GLIS3: variants seen among roughly 807,000 people sequenced by gnomAD.
GLIS3 encodes GLIS family zinc finger 3, also known as zinc finger protein GLIS3.
In GLIS3, 53 loss-of-function variants were observed where a neutral mutation model predicts 78.6. The observed-to-expected ratio is 0.67, with a 90% CI of 0.54 to 0.85. The LOEUF (loss-of-function observed/expected upper bound fraction) is 0.85, where lower values mean the gene tolerates loss of function less well. GLIS3 is among the 40% of genes least tolerant of loss of function. GLIS3 has a pLI of 0.00. For synonymous variants in GLIS3, 684 were observed against 509.9 expected, an observed-to-expected ratio of 1.34 and a Z score of -4.60; for missense variants, 1,703 against 1,231.1, an observed-to-expected ratio of 1.38 and a Z score of -5.74.
At chr9:3,836,172 AT>A (rs1175218603) in intron 9 of GLIS3, among the ~76,000 whole-genome samples, 1 of 152,216 alleles carries the variant, frequency 6.6e-6, no homozygotes, top group East Asian at 1.9e-4. Flanking sequence ...GGCAGAGCAG[AT>A]TTCCTGCCGT....
chr9:4,477,853 A>C, the GLIS3 span, among the ~76,000 whole-genome samples: 137 of 152,358 alleles, frequency 9.0e-4, 1 homozygote, highest in Admixed American at 2.9e-3. Flanking sequence ...TGGTAAAATT[A>C]AAATGGTAAA....
chr9:4,027,403 C>A (rs556424194), intron 4 of GLIS3, among the ~76,000 whole-genome samples: 1 of 152,288 alleles, frequency 6.6e-6, no homozygotes, highest in East Asian at 1.9e-4. Flanking sequence ...TTCTCATTCC[C>A]AGATTTGGTA....
intron 8 of GLIS3, among the ~76,000 whole-genome samples, chr9:3,873,695 A>T (rs1007589034): frequency 2.0e-5 from 3 of 152,170 alleles, no homozygotes; most frequent in Admixed American, 1.3e-4. Context: ...GTCAAAGAAA[A>T]AGTCAAAGTT....
intron 6 of GLIS3, among the ~76,000 whole-genome samples, chr9:3,929,480 C>T (rs1163371315): frequency 2.6e-5 from 4 of 152,186 alleles, no homozygotes; most frequent in East Asian, 3.9e-4. Context: ...TATGAGATCC[C>T]GACCCCTCCT....
chr9:3,911,163 G>C (rs1026871589), intron 6 of GLIS3, among the ~76,000 whole-genome samples: 1 of 149,972 alleles, frequency 6.7e-6, no homozygotes, highest in African/African-American at 2.5e-5. Context: ...ACTATTTCTT[G>C]ATTCTGTACC....
At chr9:4,460,917 A>G in the GLIS3 span, among the ~76,000 whole-genome samples, 3 of 152,324 alleles carry the variant, frequency 2.0e-5, no homozygotes, top group Middle Eastern at 0.01. Context: ...AAGGAGGCTT[A>G]TTAATTCTTT....
the GLIS3 span, among the ~76,000 whole-genome samples, chr9:4,458,285 T>C: frequency 1.9e-4 from 29 of 152,322 alleles, 1 homozygote; most frequent in East Asian, 5.4e-3. Flanking sequence ...TGGCATGCAT[T>C]GTTCTAGGCA....
intron 7 of GLIS3, among the ~76,000 whole-genome samples, chr9:3,883,048 A>G (rs1351116979): frequency 1.3e-5 from 2 of 152,180 alleles, no homozygotes; most frequent in East Asian, 1.9e-4. Flanking sequence ...AGACACAAGC[A>G]TGCTTTCCAA....
intron 2 of GLIS3, among the ~76,000 whole-genome samples, chr9:4,251,902 TTC>T (rs1563834190): frequency 6.6e-6 from 1 of 152,200 alleles, no homozygotes; most frequent in Non-Finnish European, 1.5e-5. Context: ...GGGTTGAAAA[TTC>T]TTTCCTTTAA....
chr9:4,417,902 A>T, the GLIS3 span, among the ~76,000 whole-genome samples: 111 of 152,120 alleles, frequency 7.3e-4, 4 homozygotes, highest in Middle Eastern at 3.2e-3. Context: ...GTGGATTGGT[A>T]TATCTGTCAA....
At chr9:4,365,546 A>T in the GLIS3 span, among the ~76,000 whole-genome samples, 7 of 151,304 alleles carry the variant, frequency 4.6e-5, no homozygotes, top group African/African-American at 1.7e-4. Context: ...ACAGAGTGAG[A>T]CTCCATCTCA....
At chr9:4,115,331 G>T (rs1178149778) in intron 4 of GLIS3, among the ~76,000 whole-genome samples, 1 of 152,070 alleles carries the variant, frequency 6.6e-6, no homozygotes, top group African/African-American at 2.4e-5. Context: ...AAAACCAAAG[G>T]TCACTTCGCA....
intron 2 of GLIS3, among the ~76,000 whole-genome samples, chr9:4,222,251 C>CT (rs1821393414): frequency 6.6e-6 from 1 of 152,112 alleles, no homozygotes; most frequent in African/African-American, 2.4e-5. Context: ...CAAAGTACAC[C>CT]TTCCTCTTTC....
rs576617912 is a variant in GLIS3, at chr9:4,184,264, T to C, written c.389-58323A>G. 2.6e-5 allele frequency among the ~76,000 whole-genome samples: 4 copies of C among 152,304 alleles called. No individual in the cohort carries two copies. The East Asian group carries it at 5.8e-4, about 22-fold the overall frequency. On this transcript the variant is annotated intron_variant, in intron 2 of 10. Transcript: ENST00000381971. ...AACACTAAATCTAACCTAAATTCAATAGGGAGCCCTTGTGTCTTTGCATGA... is the reference window on the plus strand; with the variant it reads ...AACACTAAATCTAACCTAAATTCAACAGGGAGCCCTTGTGTCTTTGCATGA...
intron 4 of GLIS3, among the ~76,000 whole-genome samples, chr9:4,051,066 A>G (rs903099209): frequency 6.6e-5 from 10 of 152,200 alleles, no homozygotes; most frequent in Non-Finnish European, 1.5e-4. Flanking sequence ...ACTGTCTGAA[A>G]GCATCCATTG....
chr9:4,482,259 A>C, the GLIS3 span, among the ~76,000 whole-genome samples: 1 of 152,244 alleles, frequency 6.6e-6, no homozygotes, highest in South Asian at 2.1e-4. Context: ...AGTTCTATTG[A>C]AGCCAAGAGT....
intron 4 of GLIS3, among the ~76,000 whole-genome samples, chr9:4,029,815 T>C (rs1377789840): frequency 2.0e-5 from 3 of 152,214 alleles, no homozygotes; most frequent in Non-Finnish European, 4.4e-5. Context: ...ATTGTGTATA[T>C]ATACCACATT....
intron 3 of GLIS3, among the ~76,000 whole-genome samples, chr9:4,309,816 T>C (rs895249682): frequency 1.2e-4 from 19 of 152,210 alleles, no homozygotes; most frequent in African/African-American, 4.6e-4. Flanking sequence ...TTAGAAGCGC[T>C]GGGATAACTC....
At chr9:4,187,494 C>T (rs1285376219) in intron 2 of GLIS3, among the ~76,000 whole-genome samples, 1 of 152,050 alleles carries the variant, frequency 6.6e-6, no homozygotes, top group African/African-American at 2.4e-5. Flanking sequence ...TTTTTGGTTC[C>T]ATATGAACTT....
Sources: gnomAD v4.1 joint callset for allele counts (sites outside exome capture counted in the v4.1 genomes callset) on GRCh38, gnomAD v4.1.1 for gene constraint, MANE v1.5 for transcripts, NCBI Gene and HGNC (gene_info 2026-07-23, HGNC 2026-07-21) for gene names.